VPS37A: variants seen among roughly 807,000 people sequenced by gnomAD.
The protein encoded by VPS37A is VPS37A subunit of ESCRT-I.
A neutral mutation model predicts 49.8 loss-of-function variants in VPS37A; 30 were observed. That is an observed-to-expected ratio of 0.60 (90% confidence interval 0.45 to 0.82). The LOEUF (loss-of-function observed/expected upper bound fraction) is 0.82, where lower values mean the gene tolerates loss of function less well. Among genes scored for constraint, VPS37A ranks in the 40% least tolerant of loss-of-function variants. VPS37A has a pLI of 0.00. For synonymous variants in VPS37A, 195 were observed against 160.6 expected, an observed-to-expected ratio of 1.21 and a Z score of -1.62; for missense variants, 593 against 464.4, an observed-to-expected ratio of 1.28 and a Z score of -2.55.
At chr8:17,250,088 CTTTCTAGA>C (rs1391709624) in intron 1 of VPS37A, among the ~76,000 whole-genome samples, 1 of 152,128 alleles carries the variant, frequency 6.6e-6, no homozygotes, top group Non-Finnish European at 1.5e-5. Context: ...GGAAAGTGAC[CTTTCTAGA>C]TTTTTTGTAG....
Position 17,265,381 on chromosome 8 carries a change from C to G in VPS37A, c.126-526C>G, listed in dbSNP as rs571999431. On this transcript the variant is annotated intron_variant, in intron 1 of 11. Transcript: ENST00000324849. ...TAAGAACTAACTAGAACATTGCTAC[C>G]CAGAATAAAATCAGGCTTCTCTACT... Among the ~76,000 whole-genome samples the G allele has an allele frequency of 8.0e-4, 121 of 152,190 alleles. 1 individual carries two copies. Among genetic ancestry groups the G allele is most frequent in the Middle Eastern group, 3.4e-3 (1 of 294 alleles).
the VPS37A span, among the ~76,000 whole-genome samples, chr8:17,320,096 G>A: frequency 6.6e-6 from 1 of 151,696 alleles, no homozygotes; most frequent in African/African-American, 2.4e-5. Flanking sequence ...GGGATAGACG[G>A]GGTTAAATAA....
rs1816676717 is a variant in VPS37A, at chr8:17,296,788, C to T, written c.*1802C>T. The T allele has an allele frequency of 6.6e-6, 1 of 152,164 alleles. No homozygotes were observed. Among genetic ancestry groups the T allele is most frequent in the Non-Finnish European group, 1.5e-5 (1 of 68,012 alleles). The allele number at this position is 152,164 out of a possible 1,614,324, so 9.4% of individuals were successfully genotyped here. The stretch of plus-strand genomic sequence containing the variant: ...AGAGTAAAAATGTTCTACATAATCA[C>T]ATGAGTAGTTCATCTCAGTGTTTTT... On this transcript the variant is annotated 3_prime_UTR_variant, in exon 12 of 12. Transcript: ENST00000324849.
chr8:17,328,834 G>A, the VPS37A span, among the ~76,000 whole-genome samples: 5 of 152,306 alleles, frequency 3.3e-5, no homozygotes, highest in South Asian at 1.0e-3. Context: ...AAAATTGCTT[G>A]CTATGTGACT....
At chr8:17,304,768 T>TGTGTGTGTGTGTGTGTGTGTGG (rs1563315402), downstream of VPS37A, among the ~76,000 whole-genome samples, 1 of 147,516 alleles carries the variant, frequency 6.8e-6, no homozygotes, top group African/African-American at 2.5e-5. Context: ...TGTGTGTGTG[T>TGTGTGTGTGTGTGTGTGTGTGG]TAAGCTGTTC....
chr8:17,312,936 A>G, the VPS37A span, among the ~76,000 whole-genome samples: 1 of 152,188 alleles, frequency 6.6e-6, no homozygotes, highest in Non-Finnish European at 1.5e-5. Context: ...TGCTTATGCC[A>G]TGACTAAAAA....
intron 1 of VPS37A, chr8:17,248,493 C>A: frequency 2.5e-6 from 1 of 403,686 alleles, no homozygotes. Flanking sequence ...TCAGGCTGGT[C>A]TCGAACTCCT....
chr8:17,282,703 A>G (rs964448838), intron 9 of VPS37A, among the ~76,000 whole-genome samples: 5 of 152,158 alleles, frequency 3.3e-5, no homozygotes, highest in African/African-American at 7.2e-5. Context: ...AAACATTCAT[A>G]TAAGAATTGC....
chr8:17,259,796 G>A (rs906692882), intron 1 of VPS37A, among the ~76,000 whole-genome samples: 2 of 152,076 alleles, frequency 1.3e-5, no homozygotes, highest in African/African-American at 2.4e-5. Flanking sequence ...TCTGCTTGCT[G>A]AATTGACCCC....
At chr8:17,300,151 T>G (rs1817020533), downstream of VPS37A, 1 of 1,613,986 alleles carries the variant, frequency 6.2e-7, no homozygotes, top group Non-Finnish European at 8.5e-7. Flanking sequence ...AAACCCTGAG[T>G]GCTTGCTGGG....
At chr8:17,284,210 C>A (rs1815371782) in intron 9 of VPS37A, among the ~76,000 whole-genome samples, 1 of 152,162 alleles carries the variant, frequency 6.6e-6, no homozygotes, top group Admixed American at 6.5e-5. Context: ...TTCGTAAATC[C>A]TTAGGAGAGA....
At chr8:17,275,266 C>T (rs1405036305) in intron 5 of VPS37A, among the ~76,000 whole-genome samples, 1 of 152,116 alleles carries the variant, frequency 6.6e-6, no homozygotes, top group Non-Finnish European at 1.5e-5. Context: ...TGGTTTTTTT[C>T]ACCACTTTCT....
At chr8:17,257,574 G>A (rs549476497) in intron 1 of VPS37A, among the ~76,000 whole-genome samples, 12 of 152,226 alleles carry the variant, frequency 7.9e-5, no homozygotes, top group Admixed American at 4.6e-4. Context: ...ACCATGGCAC[G>A]TGTATACCTA....
downstream of VPS37A, chr8:17,298,740 A>G (rs548527001): frequency 1.3e-5 from 2 of 152,702 alleles, no homozygotes; most frequent in African/African-American, 4.8e-5. Flanking sequence ...ACTAAGTTTA[A>G]TTTAGGTCAC....
chr8:17,289,546 T>C (rs1815942184), intron 11 of VPS37A, among the ~76,000 whole-genome samples: 1 of 152,162 alleles, frequency 6.6e-6, no homozygotes, highest in Non-Finnish European at 1.5e-5. Flanking sequence ...TCTGTTCTGT[T>C]CCATTGGTCT....
chr8:17,324,605 T>G, the VPS37A span, among the ~76,000 whole-genome samples: 2 of 152,142 alleles, frequency 1.3e-5, no homozygotes, highest in Non-Finnish European at 2.9e-5. Context: ...AAAGCACACA[T>G]ACTTGATCCA....
chr8:17,249,540 G>A (rs1050864450), intron 1 of VPS37A, among the ~76,000 whole-genome samples: 1 of 152,118 alleles, frequency 6.6e-6, no homozygotes, highest in Non-Finnish European at 1.5e-5. Flanking sequence ...GAATAATTCC[G>A]GAGACACTTA....
At chr8:17,293,630 G>A (rs928707549) in intron 11 of VPS37A, among the ~76,000 whole-genome samples, 9 of 152,116 alleles carry the variant, frequency 5.9e-5, no homozygotes, top group Non-Finnish European at 8.8e-5. Flanking sequence ...GTGACCTTCG[G>A]ATGGAATTTT....
downstream of VPS37A, among the ~76,000 whole-genome samples, chr8:17,304,742 G>A (rs537260504): frequency 9.6e-3 from 214 of 22,398 alleles, 4 homozygotes; most frequent in East Asian, 0.18. Context: ...CAAGGTGTTC[G>A]ATTCGTGTGT....
Sources: gnomAD v4.1 joint callset for allele counts (sites outside exome capture counted in the v4.1 genomes callset) on GRCh38, gnomAD v4.1.1 for gene constraint, MANE v1.5 for transcripts, NCBI Gene and HGNC (gene_info 2026-07-23, HGNC 2026-07-21) for gene names.